CNTN4: variants seen among roughly 807,000 people sequenced by gnomAD.
CNTN4 encodes the protein contactin 4.
CNTN4 carries 77 observed loss-of-function variants against 122.5 expected under a neutral mutation model. The observed-to-expected ratio is 0.63, with a 90% CI of 0.52 to 0.76. CNTN4 has a LOEUF of 0.76. Among genes scored for constraint, CNTN4 ranks in the 30% least tolerant of loss-of-function variants. CNTN4 has a pLI of 0.00. For missense variants in CNTN4, 1,256 were observed against 1,259.1 expected (o/e 1.00, Z 0.04); for synonymous variants, 512 against 447.0 (o/e 1.15, Z -1.83).
chr3:3,045,912 C>G (rs1574922229), intron 23 of CNTN4, among the ~76,000 whole-genome samples: 1 of 152,058 alleles, frequency 6.6e-6, no homozygotes, highest in Admixed American at 6.5e-5. Context: ...ACTAGACTAA[C>G]CAATGTAGAG....
At position 2,918,481 on chromosome 3, in the gene CNTN4, A is replaced by G. The variant is rs12629418; in HGVS notation, c.1208-7148A>G. 4.3e-4 allele frequency among the ~76,000 whole-genome samples: 65 copies of G among 152,292 alleles called. No individual in the cohort carries two copies. In the East Asian group the frequency reaches 0.011, roughly 25 times the overall value. On this transcript the variant is annotated intron_variant, in intron 12 of 24. Transcript: ENST00000418658. ...CCTTCTCCTAAGTACATGTTGTGGG[A>G]AAAGTAGGGAAAGGCGGTTAGCTGC...
chr3:2,555,252 G>C (rs898778733), intron 3 of CNTN4, among the ~76,000 whole-genome samples: 4 of 152,156 alleles, frequency 2.6e-5, no homozygotes, highest in African/African-American at 9.7e-5. Context: ...AGTGGTTCTG[G>C]ATAATTTCCT....
chr3:2,510,212 G>A (rs939164870), intron 3 of CNTN4, among the ~76,000 whole-genome samples: 5 of 152,096 alleles, frequency 3.3e-5, no homozygotes, highest in South Asian at 4.2e-4. Context: ...GTGCTATTAC[G>A]AGGTGTAAGC....
intron 5 of CNTN4, among the ~76,000 whole-genome samples, chr3:2,736,843 G>T (rs1455132806): frequency 6.6e-6 from 1 of 151,556 alleles, no homozygotes; most frequent in Non-Finnish European, 1.5e-5. Context: ...GGAGTGCAGT[G>T]TGCGACCACT....
At chr3:2,202,991 AT>A (rs5846170) in intron 2 of CNTN4, among the ~76,000 whole-genome samples, 292 of 139,756 alleles carry the variant, frequency 2.1e-3, no homozygotes, top group Middle Eastern at 3.7e-3. Flanking sequence ...CTGGCTAATT[AT>A]TTTTTTTTTT....
intron 4 of CNTN4, among the ~76,000 whole-genome samples, chr3:2,606,280 A>G (rs114952007): frequency 0.01 from 1,570 of 152,232 alleles, 10 homozygotes; most frequent in Non-Finnish European, 0.014. Flanking sequence ...AGAACAATAT[A>G]ACCTAATTTG....
chr3:2,341,459 C>T (rs1035091048), intron 3 of CNTN4, among the ~76,000 whole-genome samples: 4 of 152,196 alleles, frequency 2.6e-5, no homozygotes, highest in African/African-American at 9.6e-5. Flanking sequence ...TATCCATGGA[C>T]AGAATGAAAG....
chr3:2,895,758 GGC>G (rs2094102407), intron 10 of CNTN4, among the ~76,000 whole-genome samples: 5 of 152,242 alleles, frequency 3.3e-5, no homozygotes, highest in Admixed American at 3.3e-4. Flanking sequence ...GGAGGGGCTG[GGC>G]GCAGTGGCTC....
At chr3:2,320,055 G>C (rs1334849718) in intron 2 of CNTN4, among the ~76,000 whole-genome samples, 1 of 152,174 alleles carries the variant, frequency 6.6e-6, no homozygotes, top group Non-Finnish European at 1.5e-5. Context: ...AATCAAAGGA[G>C]AAAGTGCCTT....
Position 2,617,513 on chromosome 3 carries a change from C to T in CNTN4, c.55+45955C>T, listed in dbSNP as rs144206062. Among the ~76,000 whole-genome samples, 304 of 150,136 alleles carry T rather than the reference C, an allele frequency of 2.0e-3. 2 individuals are homozygous for T. The highest frequency in any genetic ancestry group is 6.6e-3 in the African/African-American group (267 of 40,732). On this transcript the variant is annotated intron_variant, in intron 4 of 24. Transcript: ENST00000418658. ...TTGGCTCACTGCAACCTCCACCTCC[C>T]GGGTTCAAGTGATTCTCCTGCCTCA...
chr3:2,150,303 A>G (rs79444417), intron 2 of CNTN4, among the ~76,000 whole-genome samples: 4,489 of 152,320 alleles, frequency 0.029, 216 homozygotes, highest in African/African-American at 0.096. Flanking sequence ...TAAGTAAAAA[A>G]AAGTCAGCTA....
chr3:2,996,405 G>T (rs1695540840), intron 14 of CNTN4, among the ~76,000 whole-genome samples: 1 of 152,086 alleles, frequency 6.6e-6, no homozygotes, highest in South Asian at 2.1e-4. Context: ...TTCTCTCTCA[G>T]ATATTGTAGA....
intron 13 of CNTN4, among the ~76,000 whole-genome samples, chr3:2,934,698 A>G (rs1287277087): frequency 6.6e-6 from 1 of 152,256 alleles, no homozygotes; most frequent in South Asian, 2.1e-4. Context: ...GCAGAGCTAT[A>G]AAGCTCTGTT....
intron 3 of CNTN4, among the ~76,000 whole-genome samples, chr3:2,563,832 T>C (rs993786861): frequency 6.6e-6 from 1 of 152,004 alleles, no homozygotes; most frequent in Non-Finnish European, 1.5e-5. Context: ...TTAGCTATGA[T>C]AGAATGTTTA....
At chr3:2,796,911 C>A (rs576004930) in intron 6 of CNTN4, among the ~76,000 whole-genome samples, 1 of 152,340 alleles carries the variant, frequency 6.6e-6, no homozygotes, top group South Asian at 2.1e-4. Flanking sequence ...TACCCCACCC[C>A]TACTTCATAC....
intron 13 of CNTN4, among the ~76,000 whole-genome samples, chr3:2,946,316 T>C (rs1474405683): frequency 6.6e-6 from 1 of 152,192 alleles, no homozygotes; most frequent in South Asian, 2.1e-4. Context: ...CTGTCATGCG[T>C]GGCTTTCCAA....
chr3:3,056,400 G>T lies in CNTN4; in HGVS notation c.*180G>T. The T allele has an allele frequency of 3.4e-6, 2 of 582,776 alleles. No homozygotes were observed. The highest frequency in any genetic ancestry group is 6.1e-6 in the Non-Finnish European group (2 of 325,336). 36.1% of individuals were successfully genotyped at this position (582,776 alleles called of 1,614,324 possible). On this transcript the variant is annotated 3_prime_UTR_variant, in exon 25 of 25. Transcript: ENST00000418658. ...ACTTCCTCAAAGCAAATCTAGCTTTGTCTGAAGTTTCTTTGGAAACTCTGC... is the reference window on the plus strand; with the variant it reads ...ACTTCCTCAAAGCAAATCTAGCTTTTTCTGAAGTTTCTTTGGAAACTCTGC...
chr3:2,625,612 T>C (rs755682997), intron 4 of CNTN4, among the ~76,000 whole-genome samples: 24 of 152,202 alleles, frequency 1.6e-4, no homozygotes, highest in Non-Finnish European at 2.8e-4. Context: ...GTGACTTGCT[T>C]CTTTCACTCA....
intron 6 of CNTN4, among the ~76,000 whole-genome samples, chr3:2,757,694 G>C (rs1244454975): frequency 1.3e-5 from 2 of 152,172 alleles, no homozygotes; most frequent in Non-Finnish European, 2.9e-5. Flanking sequence ...ATGCTAGCTA[G>C]TTTTTACTTC....
Sources: allele counts gnomAD v4.1 joint callset (sites outside exome capture counted in the v4.1 genomes callset), GRCh38; gene constraint gnomAD v4.1.1; transcripts MANE v1.5; gene names NCBI Gene and HGNC (gene_info 2026-07-23, HGNC 2026-07-21).